The following USP3 variants were observed in gnomAD, a reference collection of about 807,000 sequenced individuals.
USP3 encodes the protein ubiquitin specific peptidase 3, also known as ubiquitin carboxyl-terminal hydrolase 3.
A neutral mutation model predicts 72.3 loss-of-function variants in USP3; 20 were observed. The observed-to-expected ratio is 0.28, with a 90% confidence interval of 0.19 to 0.40. The LOEUF (loss-of-function observed/expected upper bound fraction) is 0.40, where lower values mean the gene tolerates loss of function less well. USP3 is among the 10% of genes least tolerant of loss of function. The probability of loss-of-function intolerance (pLI) is 1.00; values close to 1 mark genes in which losing one functional copy is unlikely to be tolerated. For missense variants in USP3, 479 were observed against 633.9 expected, an observed-to-expected ratio of 0.76 and a Z score of 2.62; for synonymous variants, 222 against 225.3, an observed-to-expected ratio of 0.99 and a Z score of 0.13.
In USP3 at chr15:63,552,734, CTT is replaced by C. The variant is rs548417942; in HGVS notation, c.285-979_285-978del. 4.4e-3 allele frequency among the ~76,000 whole-genome samples: 654 copies of C among 148,838 alleles called. 4 individuals are homozygous for C. Among genetic ancestry groups the C allele is most frequent in the Non-Finnish European group, 8.0e-3 (545 of 67,964 alleles). ...TACTTTTCCCCACCCCTTTCTCTCT[CTT>C]TCTTTCTCCCTCTTTTTAATAAAAT... On this transcript the variant is annotated intron_variant, in intron 3 of 14. Transcript: ENST00000380324.
intron 7 of USP3, among the ~76,000 whole-genome samples, chr15:63,561,160 G>T (rs2066602088): frequency 1.3e-5 from 2 of 152,146 alleles, no homozygotes; most frequent in Non-Finnish European, 2.9e-5. Context: ...TGCATTCAAG[G>T]AGGCTTTGCA....
At chr15:63,579,463 A>G (rs1953752275) in intron 11 of USP3, among the ~76,000 whole-genome samples, 2 of 152,350 alleles carry the variant, frequency 1.3e-5, no homozygotes, top group African/African-American at 4.8e-5. Context: ...AATCAGTGGG[A>G]CGAATAAGAA....
At chr15:63,583,654 T>C (rs1448379708) in intron 11 of USP3, among the ~76,000 whole-genome samples, 1 of 152,242 alleles carries the variant, frequency 6.6e-6, no homozygotes, top group African/African-American at 2.4e-5. Context: ...TTTCCTCTCT[T>C]GTTCCCAGTA....
chr15:63,508,436 G>A (rs57712167), intron 1 of USP3, among the ~76,000 whole-genome samples: 2,229 of 152,226 alleles, frequency 0.015, 60 homozygotes, highest in African/African-American at 0.051. Flanking sequence ...GGAGAGACAG[G>A]AAGCTAACTA....
intron 5 of USP3, among the ~76,000 whole-genome samples, chr15:63,557,268 GT>G (rs534404085): frequency 7.8e-4 from 111 of 142,436 alleles, no homozygotes; most frequent in East Asian, 4.5e-3. Context: ...TTTTGTTTTT[GT>G]TTTTTTTTTT....
intron 1 of USP3, among the ~76,000 whole-genome samples, chr15:63,507,602 AT>A (rs1428606565): frequency 6.6e-6 from 1 of 152,230 alleles, no homozygotes. Context: ...TTTATGCTGA[AT>A]GATGCTTTAC....
intron 3 of USP3, among the ~76,000 whole-genome samples, chr15:63,543,315 A>G (rs2066273344): frequency 6.6e-6 from 1 of 152,104 alleles, no homozygotes; most frequent in African/African-American, 2.4e-5. Context: ...AAAAAGACAC[A>G]TTTTACTCAA....
intron 14 of USP3, among the ~76,000 whole-genome samples, chr15:63,589,976 A>G (rs373570740): frequency 3.3e-5 from 4 of 121,450 alleles, no homozygotes; most frequent in Admixed American, 9.4e-5. Flanking sequence ...TGAAACTATT[A>G]GCACTAATTT....
chr15:63,536,020 C>T (rs1166278119), intron 2 of USP3, among the ~76,000 whole-genome samples: 3 of 152,142 alleles, frequency 2.0e-5, no homozygotes, highest in African/African-American at 4.8e-5. Flanking sequence ...AGTCTCTAGA[C>T]GAAGGTGTAG....
At chr15:63,587,588 AT>A (rs2067098471) in intron 11 of USP3, 1 of 152,250 alleles carries the variant, frequency 6.6e-6, no homozygotes, top group African/African-American at 2.4e-5. Flanking sequence ...AGAACCTGTC[AT>A]GATATTAAGT....
chr15:63,504,736 G>A lies in USP3; in HGVS notation c.-4G>A, dbSNP rs1446268300. 2 of 1,604,358 alleles carry A rather than the reference G, an allele frequency of 1.2e-6. No individual in the cohort carries two copies. The highest frequency in any genetic ancestry group is 1.7e-5 in the Admixed American group (1 of 59,384). ...CAGTCCTCCCAGCTGCCCTCCTCGTGGCCATGGAGTGTCCACACCTGAGCT... is the reference window on the plus strand; with the variant it reads ...CAGTCCTCCCAGCTGCCCTCCTCGTAGCCATGGAGTGTCCACACCTGAGCT... On this transcript the variant is annotated 5_prime_UTR_variant, in exon 1 of 15. Coordinates refer to ENST00000380324, the MANE Select transcript of USP3 (RefSeq NM_006537.4).
intron 3 of USP3, among the ~76,000 whole-genome samples, chr15:63,538,451 G>A: frequency 6.6e-6 from 1 of 152,088 alleles, no homozygotes; most frequent in Admixed American, 6.5e-5. Flanking sequence ...GAAATGGTGT[G>A]AGAATCCTTT....
chr15:63,517,402 T>C (rs2065865346), intron 1 of USP3, among the ~76,000 whole-genome samples: 1 of 152,198 alleles, frequency 6.6e-6, no homozygotes, highest in African/African-American at 2.4e-5. Flanking sequence ...GCTCCCTGTA[T>C]GGTTTCTATT....
At chr15:63,537,576 G>T (rs1406336963) in intron 3 of USP3, among the ~76,000 whole-genome samples, 1 of 151,874 alleles carries the variant, frequency 6.6e-6, no homozygotes, top group South Asian at 2.1e-4. Flanking sequence ...TAACTGCTTT[G>T]TTTAAAAAAA....
At chr15:63,589,535 A>ATAAAG (rs1396090510) in intron 14 of USP3, among the ~76,000 whole-genome samples, 3 of 152,172 alleles carry the variant, frequency 2.0e-5, no homozygotes, top group Admixed American at 2.0e-4. Flanking sequence ...CAGAGCTGTG[A>ATAAAG]TAAAGTAACG....
At chr15:63,585,794 TC>T (rs1393495059) in intron 11 of USP3, among the ~76,000 whole-genome samples, 1 of 103,336 alleles carries the variant, frequency 9.7e-6, no homozygotes, top group Non-Finnish European at 1.9e-5. Flanking sequence ...AAAGTCTGTG[TC>T]TAGAATTTTT....
At chr15:63,514,696 A>G (rs1263279936) in intron 1 of USP3, among the ~76,000 whole-genome samples, 1 of 152,140 alleles carries the variant, frequency 6.6e-6, no homozygotes, top group Non-Finnish European at 1.5e-5. Flanking sequence ...AAACCTCTTA[A>G]TTATTTTATT....
At chr15:63,545,132 T>C (rs2066301006) in intron 3 of USP3, among the ~76,000 whole-genome samples, 1 of 152,332 alleles carries the variant, frequency 6.6e-6, no homozygotes, top group African/African-American at 2.4e-5. Flanking sequence ...AGCAGTTTCA[T>C]TTTTGTTGTT....
intron 3 of USP3, among the ~76,000 whole-genome samples, chr15:63,546,653 G>A (rs1199753122): frequency 1.3e-5 from 2 of 152,120 alleles, no homozygotes; most frequent in East Asian, 3.9e-4. Flanking sequence ...AGGCTGGAAT[G>A]CAGTGGCCTG....
Sources: gnomAD v4.1 joint callset for allele counts (sites outside exome capture counted in the v4.1 genomes callset) on GRCh38, gnomAD v4.1.1 for gene constraint, MANE v1.5 for transcripts, NCBI Gene and HGNC (gene_info 2026-07-23, HGNC 2026-07-21) for gene names.